ANKRD26: variants seen among roughly 807,000 people sequenced by gnomAD.
The protein encoded by ANKRD26 is ankyrin repeat domain-containing protein 26.
ANKRD26 carries 141 observed loss-of-function variants against 208.7 expected under a neutral mutation model. That is an observed-to-expected ratio of 0.68 (90% confidence interval 0.59 to 0.78). ANKRD26 has a LOEUF of 0.78. Among genes scored for constraint, ANKRD26 ranks in the 30% least tolerant of loss-of-function variants. ANKRD26 has a pLI of 0.00. For synonymous variants in ANKRD26, 636 were observed against 660.4 expected, an observed-to-expected ratio of 0.96 and a Z score of 0.57; for missense variants, 1,889 against 1,938.7, an observed-to-expected ratio of 0.97 and a Z score of 0.48.
chr10:27,024,690 C>A, intron 27 of ANKRD26, 131 bp from the exon 28 acceptor site: 1 of 484,644 alleles, frequency 2.1e-6, no homozygotes. Flanking sequence ...AACCTAATGG[C>A]AATAAGAACG....
At chr10:27,067,131 A>G (rs1009132562) in intron 10 of ANKRD26, 26 bp downstream of exon 10, 33 of 1,609,000 alleles carry the variant, frequency 2.1e-5, no homozygotes, top group Non-Finnish European at 2.6e-5. Flanking sequence ...GGATAGAAAA[A>G]TATTCAGAGA....
Position 27,067,234 on chromosome 10 carries a change from A to G in ANKRD26, c.1130T>C (p.Ile377Thr), listed in dbSNP as rs545833904. The G allele has an allele frequency of 6.2e-7, 1 of 1,613,902 alleles. No homozygotes were observed. The highest frequency in any genetic ancestry group is 2.2e-5 in the East Asian group (1 of 44,874). The change falls in exon 10 of 34, where the codon ATT becomes ACT. Residue 377 changes from isoleucine to threonine, a missense_variant. Coordinates refer to ENST00000376087, the MANE Select transcript of ANKRD26 (RefSeq NM_014915.3). ...IAKKENGIDI[I>T]ESAPLEQTNN... ...TGTTTGCTCTAGTGGAGCACTTTCA[A>G]TAATATCAATACCATTTTCTTTTTT...
chr10:27,033,999 C>T lies in ANKRD26; in HGVS notation c.3655-622G>A, dbSNP rs962280235. On this transcript the variant is annotated intron_variant, in intron 24 of 33. Coordinates refer to ENST00000376087, the MANE Select transcript of ANKRD26 (RefSeq NM_014915.3). ...AATGCCAAACTAATAAATCACAAAT[C>T]GCTACACTTACTTATCTTTATACTG... Among the ~76,000 whole-genome samples the T allele has an allele frequency of 7.2e-5, 11 of 152,246 alleles. No homozygotes were observed. In the East Asian group the frequency reaches 1.2e-3, roughly 16 times the overall value.
Position 27,093,359 on chromosome 10 carries a change from G to C in ANKRD26, c.521C>G (p.Ala174Gly), listed in dbSNP as rs201818373. Residue 174 changes from alanine to glycine, a missense_variant, in exon 3 of 34, where the codon GCA becomes GGA. By Grantham distance (60) the Ala-to-Gly change is moderately conservative. This residue lies in a region of ANKRD26 where 1,272 missense variants were observed against 1,273.8 expected (regional missense o/e 1.00). Coordinates refer to ENST00000376087, the MANE Select transcript of ANKRD26 (RefSeq NM_014915.3). ...TTGGTTGATCTATACCTTGTTTTTT[G>C]CTTCAATATTTGCATCATACAAAAG... ...KLLLYDANIEAKNKDDLTPLL... is the reference protein window; with the variant it reads ...KLLLYDANIEGKNKDDLTPLL... 3.3e-5 allele frequency: 54 copies of C among 1,612,628 alleles called. No individual in the cohort carries two copies. In the African/African-American group the frequency reaches 6.7e-4, roughly 20 times the overall value.
At chr10:26,978,021 C>A (rs1186961803) in intron 5 of ANKRD26, among the ~76,000 whole-genome samples, 3 of 152,232 alleles carry the variant, frequency 2.0e-5, no homozygotes, top group Non-Finnish European at 2.9e-5. Context: ...GCTGTCTCTA[C>A]AGTTCTATGC....
Position 27,067,202 on chromosome 10 carries a change from CATT to C in ANKRD26, c.1159_1161del (p.Asn387del). The C allele has an allele frequency of 1.9e-6, 3 of 1,613,696 alleles. No individual in the cohort carries two copies. Among genetic ancestry groups the C allele is most frequent in the African/African-American group, 2.7e-5 (2 of 75,030 alleles). On this transcript the variant is annotated inframe_deletion, in exon 10 of 34. Coordinates refer to ENST00000376087, the MANE Select transcript of ANKRD26 (RefSeq NM_014915.3). The stretch of plus-strand genomic sequence containing the variant: ...ACTTCATCAACATAAGTCAAATTGT[CATT>C]ATTTGTTTGCTCTAGTGGAGCACTT...
chr10:27,030,317 T>A, intron 25 of ANKRD26: 1 of 915,902 alleles, frequency 1.1e-6, no homozygotes, highest in Non-Finnish European at 1.3e-6. Flanking sequence ...TATAGATTAC[T>A]TTCTCTCTGC....
chr10:26,970,002 T>C (rs2052120809), downstream of ANKRD26, among the ~76,000 whole-genome samples: 1 of 7,552 alleles, frequency 1.3e-4, no homozygotes, highest in Non-Finnish European at 2.0e-4. Context: ...GCCCAGCTAA[T>C]TTTGTATTTT....
intron 9 of ANKRD26, among the ~76,000 whole-genome samples, chr10:27,068,610 A>G (rs1589324669): frequency 6.6e-6 from 1 of 152,174 alleles, no homozygotes; most frequent in South Asian, 2.1e-4. Flanking sequence ...GAGAAAAAAC[A>G]GAAAAATCAG....
the ANKRD26 span, among the ~76,000 whole-genome samples, chr10:26,958,765 G>A: frequency 6.6e-6 from 1 of 152,014 alleles, no homozygotes; most frequent in Non-Finnish European, 1.5e-5. Context: ...GTGCTGCAAT[G>A]AACATACACG....
At chr10:26,985,842 T>C (rs1032931063) in intron 3 of ANKRD26, among the ~76,000 whole-genome samples, 1 of 152,172 alleles carries the variant, frequency 6.6e-6, no homozygotes, top group Non-Finnish European at 1.5e-5. Flanking sequence ...GTTGAAAAGC[T>C]TGGGTCAGGG....
chr10:26,962,748 T>TA, the ANKRD26 span, among the ~76,000 whole-genome samples: 1 of 151,898 alleles, frequency 6.6e-6, no homozygotes, highest in South Asian at 2.1e-4. Flanking sequence ...ATCCTGTCTC[T>TA]AAAAAAACAA....
At position 27,100,268 on chromosome 10, in the gene ANKRD26, T is replaced by C. The variant is rs7897309; in HGVS notation, c.59A>G (p.Gln20Arg). Residue 20 changes from glutamine (Q) to arginine (R), a missense_variant, in exon 1 of 34, where the codon CAG becomes CGG. Gln to Arg is a conservative substitution (Grantham distance 43, BLOSUM62 1). Transcript: ENST00000376087. ...GCCCCCGCCTCCCGCGCTGCTCCTC[T>C]GCCGCCGCGCGAAGGAGCCCAAGGG... is the stretch of plus-strand genomic sequence containing the variant. Reference protein sequence around the residue: ...ESPLGSFARRQRSSAGGGGEP... With the variant: ...ESPLGSFARRRRSSAGGGGEP... 0.87 allele frequency: 1,402,334 copies of C among 1,610,676 alleles called. 612,103 individuals carry two copies. Among genetic ancestry groups the C allele is most frequent in the East Asian group, 1 (44,836 of 44,850 alleles).
chr10:27,010,166 G>A (rs1392735385), intron 32 of ANKRD26, among the ~76,000 whole-genome samples: 1 of 152,044 alleles, frequency 6.6e-6, no homozygotes, highest in Non-Finnish European at 1.5e-5. Context: ...TTTTTTTAAT[G>A]TATGAAAGTC....
rs1210154043 is a variant in ANKRD26 at position 27,077,333 on chromosome 10, C to G, written c.1077+5G>C. 6.1e-5 allele frequency: 98 copies of G among 1,610,916 alleles called. 1 individual carries two copies. The highest frequency in any genetic ancestry group is 8.1e-5 in the Non-Finnish European group (95 of 1,177,302). On this transcript the variant is annotated splice_donor_5th_base_variant and intron_variant, in intron 9 of 33. Transcript: ENST00000376087. ...ATGAAAAAAGTTTTTTAAAAAACAA[C>G]TTACCTTCATAAGACCAGGGTTTGC...
In ANKRD26 at chr10:27,081,809, C is replaced by T. The variant is rs1160228705; in HGVS notation, c.740+994G>A. Among the ~76,000 whole-genome samples, 7 of 152,022 alleles carry T rather than the reference C, an allele frequency of 4.6e-5. No homozygotes were observed. The South Asian group carries it at 1.5e-3, about 32-fold the overall frequency. On this transcript the variant is annotated intron_variant, in intron 6 of 33. Transcript: ENST00000376087. The stretch of plus-strand genomic sequence containing the variant: ...CTGGAGTGCAGTGGCGCAATCTCGG[C>T]TCACTGCAACCTCCGCCTCCCGGGT...
the ANKRD26 span, among the ~76,000 whole-genome samples, chr10:26,958,151 CA>C: frequency 1.9e-3 from 287 of 151,934 alleles, 1 homozygote; most frequent in Non-Finnish European, 3.3e-3. Flanking sequence ...GGCACCATCT[CA>C]GCTCACTGCA....
At chr10:27,061,543 T>TA (rs1259693693) in intron 12 of ANKRD26, among the ~76,000 whole-genome samples, 1 of 148,818 alleles carries the variant, frequency 6.7e-6, no homozygotes, top group Non-Finnish European at 1.5e-5. Context: ...ATTTGATTAA[T>TA]ATCAATGCAA....
At chr10:27,094,712 A>C (rs1031376617) in intron 1 of ANKRD26, among the ~76,000 whole-genome samples, 1 of 152,272 alleles carries the variant, frequency 6.6e-6, no homozygotes. Flanking sequence ...TTTAAAGATC[A>C]GCGATAAGGC....
Sources: gnomAD v4.1 joint callset for allele counts (sites outside exome capture counted in the v4.1 genomes callset) on GRCh38, gnomAD v4.1.1 for gene constraint, gnomAD v4.1.1 regional missense constraint, MANE v1.5 for transcripts, NCBI Gene and HGNC (gene_info 2026-07-23, HGNC 2026-07-21) for gene names.